The following PCDH9 variants were observed in gnomAD, a reference collection of about 807,000 sequenced individuals.
PCDH9 encodes the protein protocadherin 9, also known as protocadherin-9.
In PCDH9, 24 loss-of-function variants were observed where a neutral mutation model predicts 70.6. That is an observed-to-expected ratio of 0.34 (90% CI 0.25 to 0.48). PCDH9 has a LOEUF of 0.48. Ranked by LOEUF, PCDH9 falls within the 20% of genes least tolerant of loss-of-function variation. PCDH9 has a pLI of 0.99. For missense variants in PCDH9, 1,281 were observed against 1,503.6 expected (o/e 0.85, Z 2.45); for synonymous variants, 562 against 558.5 (o/e 1.01, Z -0.09).
chr13:66,525,208 A>G (rs976447071), intron 4 of PCDH9, among the ~76,000 whole-genome samples: 1 of 152,064 alleles, frequency 6.6e-6, no homozygotes, highest in Non-Finnish European at 1.5e-5. Flanking sequence ...CTGATCTCCA[A>G]CAGCGTCTCT....
At chr13:66,308,243 C>T (rs756262799) in intron 4 of PCDH9, among the ~76,000 whole-genome samples, 2 of 151,970 alleles carry the variant, frequency 1.3e-5, no homozygotes, top group Non-Finnish European at 2.9e-5. Flanking sequence ...ACATAATTGG[C>T]ATTAAGACAT....
Position 66,323,332 on chromosome 13 carries a change from T to C in PCDH9, c.3341-18304A>G, listed in dbSNP as rs565371649. On this transcript the variant is annotated intron_variant, in intron 4 of 4. Coordinates refer to ENST00000377865, the MANE Select transcript of PCDH9 (RefSeq NM_203487.3). ...CTATTATCACATTTTAAGAGGGGAA[T>C]TGCAGTTGCACTTAAACTAGAAACT... 17 of 152,142 alleles carry C rather than the reference T, an allele frequency of 1.1e-4. No individual in the cohort carries two copies. The East Asian group carries it at 3.1e-3, about 28-fold the overall frequency. 9.4% of individuals were successfully genotyped at this position (152,142 alleles called of 1,614,324 possible).
intron 4 of PCDH9, among the ~76,000 whole-genome samples, chr13:66,624,788 T>C (rs1307178513): frequency 2.0e-5 from 3 of 152,168 alleles, no homozygotes; most frequent in Non-Finnish European, 4.4e-5. Flanking sequence ...AAAACATCCA[T>C]CCATACTTGT....
intron 4 of PCDH9, among the ~76,000 whole-genome samples, chr13:66,612,757 T>C (rs961368128): frequency 6.6e-6 from 1 of 151,922 alleles, no homozygotes; most frequent in South Asian, 2.1e-4. Flanking sequence ...GTGTGGAATC[T>C]AGGATTTGAA....
chr13:66,816,138 G>A (rs1263503913), intron 3 of PCDH9, among the ~76,000 whole-genome samples: 1 of 152,168 alleles, frequency 6.6e-6, no homozygotes, highest in Non-Finnish European at 1.5e-5. Context: ...AATCATTCAT[G>A]GAAACAAAGC....
At chr13:66,937,389 T>C (rs867009426) in intron 2 of PCDH9, among the ~76,000 whole-genome samples, 1 of 152,198 alleles carries the variant, frequency 6.6e-6, no homozygotes, top group Admixed American at 6.5e-5. Context: ...GAATAGAAAA[T>C]TGGGATCAGA....
chr13:66,907,008 C>A (rs554106190), intron 2 of PCDH9, among the ~76,000 whole-genome samples: 5 of 151,976 alleles, frequency 3.3e-5, no homozygotes, highest in Non-Finnish European at 4.4e-5. Context: ...GAGTTTGAGA[C>A]CAGCCTGGTC....
chr13:66,837,221 A>C (rs2081036910), intron 3 of PCDH9, among the ~76,000 whole-genome samples: 1 of 152,178 alleles, frequency 6.6e-6, no homozygotes, highest in Admixed American at 6.5e-5. Flanking sequence ...AATCTCCCCA[A>C]AATGAGTTCT....
At chr13:66,947,371 T>G (rs946268891) in intron 2 of PCDH9, among the ~76,000 whole-genome samples, 9 of 152,168 alleles carry the variant, frequency 5.9e-5, no homozygotes, top group African/African-American at 2.2e-4. Context: ...TAAATTTTAC[T>G]GTAAAAAATA....
intron 2 of PCDH9, among the ~76,000 whole-genome samples, chr13:66,937,953 C>G (rs2082944617): frequency 6.6e-6 from 1 of 152,152 alleles, no homozygotes; most frequent in Non-Finnish European, 1.5e-5. Context: ...AAGTTTAACT[C>G]AGCTTAAGTT....
intron 4 of PCDH9, among the ~76,000 whole-genome samples, chr13:66,557,831 T>G (rs999265375): frequency 6.6e-6 from 1 of 152,026 alleles, no homozygotes; most frequent in Non-Finnish European, 1.5e-5. Flanking sequence ...AAGGTTAACA[T>G]CAGAAATATA....
At chr13:66,561,608 C>G (rs1417642417) in intron 4 of PCDH9, among the ~76,000 whole-genome samples, 1 of 152,120 alleles carries the variant, frequency 6.6e-6, no homozygotes, top group Non-Finnish European at 1.5e-5. Flanking sequence ...GTGTCTAGGT[C>G]AGGGTTTGTG....
At chr13:67,084,209 T>G (rs1285658132) in intron 2 of PCDH9, among the ~76,000 whole-genome samples, 1 of 152,154 alleles carries the variant, frequency 6.6e-6, no homozygotes. Flanking sequence ...GTCTCTGAGT[T>G]GTTTTTCAGA....
intron 3 of PCDH9, among the ~76,000 whole-genome samples, chr13:66,797,290 C>T (rs896373541): frequency 6.6e-6 from 1 of 151,954 alleles, no homozygotes; most frequent in African/African-American, 2.4e-5. Context: ...TGGGGTTTCC[C>T]CGTGAAACCC....
chr13:67,116,989 A>G (rs1011930791), intron 2 of PCDH9, among the ~76,000 whole-genome samples: 10 of 152,198 alleles, frequency 6.6e-5, no homozygotes, highest in Non-Finnish European at 1.0e-4. Context: ...TACATTATCC[A>G]TTAATAAAAA....
chr13:66,430,788 A>G (rs1330534060), intron 4 of PCDH9, among the ~76,000 whole-genome samples: 1 of 152,110 alleles, frequency 6.6e-6, no homozygotes, highest in Non-Finnish European at 1.5e-5. Flanking sequence ...GTGTGATAAG[A>G]ACTGCAATGG....
At chr13:66,331,652 T>C (rs1328065007) in intron 4 of PCDH9, among the ~76,000 whole-genome samples, 1 of 152,204 alleles carries the variant, frequency 6.6e-6, no homozygotes, top group Non-Finnish European at 1.5e-5. Context: ...TGCAAATCTT[T>C]ATTGATCCTC....
At chr13:67,193,199 A>C (rs1380692073) in intron 2 of PCDH9, among the ~76,000 whole-genome samples, 3 of 152,116 alleles carry the variant, frequency 2.0e-5, no homozygotes, top group Non-Finnish European at 4.4e-5. Flanking sequence ...AGCCTAGTGA[A>C]ATAAAGATGT....
At chr13:66,824,027 T>C (rs1023141829) in intron 3 of PCDH9, among the ~76,000 whole-genome samples, 14 of 151,990 alleles carry the variant, frequency 9.2e-5, no homozygotes, top group Non-Finnish European at 1.6e-4. Context: ...ACTTGTTTTA[T>C]AGAGCCCTAC....
Sources: allele counts gnomAD v4.1 joint callset (sites outside exome capture counted in the v4.1 genomes callset), GRCh38; gene constraint gnomAD v4.1.1; transcripts MANE v1.5; gene names NCBI Gene and HGNC (gene_info 2026-07-23, HGNC 2026-07-21).